Variants in ANKRD33B observed in about 807,000 individuals in gnomAD.
ANKRD33B encodes the protein ankyrin repeat domain 33B.
In ANKRD33B, 6 loss-of-function variants were observed where a neutral mutation model predicts 21.5. The observed-to-expected ratio is 0.28, with a 90% CI of 0.15 to 0.55. The LOEUF (loss-of-function observed/expected upper bound fraction) is 0.55. Ranked by LOEUF, ANKRD33B falls within the 20% of genes least tolerant of loss-of-function variation. ANKRD33B has a pLI of 0.94. For synonymous variants in ANKRD33B, 347 were observed against 342.4 expected (o/e 1.01, Z -0.15); for missense variants, 698 against 747.2 (o/e 0.93, Z 0.77).
intron 1 of ANKRD33B, among the ~76,000 whole-genome samples, chr5:10,577,537 G>A (rs547178329): frequency 1.3e-5 from 2 of 152,214 alleles, no homozygotes; most frequent in South Asian, 2.1e-4. Context: ...GGCAGCTGTG[G>A]TGGATTCCTG....
chr5:10,619,058 C>CT lies in ANKRD33B; in HGVS notation c.496+597dup, dbSNP rs1180233827. 5.3e-5 allele frequency among the ~76,000 whole-genome samples: 8 copies of CT among 152,212 alleles called. No individual in the cohort carries two copies. The highest frequency in any genetic ancestry group is 5.2e-4 in the Admixed American group (8 of 15,286). ...CAATATTGCCAAGTGCATTGCGACT[C>CT]TCCTGCTTTGGAACTGTATCCAGAC... On this transcript the variant is annotated intron_variant, in intron 2 of 3. Coordinates refer to ENST00000296657, the MANE Select transcript of ANKRD33B (RefSeq NM_001164440.2). The surrounding 1 kb of genome is among the most constrained non-coding windows in gnomAD (Gnocchi z 4.5).
At chr5:10,623,508 C>T (rs1378740256) in intron 2 of ANKRD33B, among the ~76,000 whole-genome samples, 1 of 152,210 alleles carries the variant, frequency 6.6e-6, no homozygotes, top group African/African-American at 2.4e-5. Flanking sequence ...AATCCCACCA[C>T]GAGGACCCCT....
intron 3 of ANKRD33B, among the ~76,000 whole-genome samples, chr5:10,644,536 A>G (rs148485725): frequency 6.6e-6 from 1 of 152,190 alleles, no homozygotes; most frequent in Non-Finnish European, 1.5e-5. Context: ...ATAACCTCAA[A>G]TCTTCCTGTG....
chr5:10,596,897 AT>A (rs1248072471), intron 1 of ANKRD33B, among the ~76,000 whole-genome samples: 1 of 151,758 alleles, frequency 6.6e-6, no homozygotes, highest in Non-Finnish European at 1.5e-5. Context: ...AATATTCAAC[AT>A]TCTTAAAGAA....
intron 1 of ANKRD33B, among the ~76,000 whole-genome samples, chr5:10,598,068 C>G (rs1735853344): frequency 6.6e-6 from 1 of 152,104 alleles, no homozygotes; most frequent in Non-Finnish European, 1.5e-5. Flanking sequence ...TGCCTCCTCC[C>G]ACATCCAGAT....
chr5:10,650,092 G>A lies in ANKRD33B; in HGVS notation c.1464G>A (p.Ala488=), dbSNP rs1737306613. The A allele has an allele frequency of 6.6e-7, 1 of 1,526,116 alleles. No homozygotes were observed. Among genetic ancestry groups the A allele is most frequent in the East Asian group, 2.5e-5 (1 of 40,286 alleles). 94.5% of individuals were successfully genotyped at this position (1,526,116 alleles called of 1,614,324 possible). A position where few individuals can be genotyped will look rare whatever the true frequency, so the allele number is the denominator to read the frequency against. The change falls in exon 4 of 4, where the codon GCG becomes GCA. Residue 488 remains alanine (A), a synonymous_variant. Transcript: ENST00000296657. ...AGGCGCAGAAGGAGAGGCGCACTGC[G>A]CCCTGGAAGAAGAGGACGTGAGGGC... The part of the protein sequence containing the change: ...QAEAQKERRT[A]PWKKRT
At chr5:10,577,019 G>A (rs1490139109) in intron 1 of ANKRD33B, among the ~76,000 whole-genome samples, 1 of 152,130 alleles carries the variant, frequency 6.6e-6, no homozygotes, top group African/African-American at 2.4e-5. Context: ...TTCAAGAAGG[G>A]GGAGGAAGCT....
chr5:10,601,645 G>C (rs981635961), intron 1 of ANKRD33B, among the ~76,000 whole-genome samples: 1 of 152,254 alleles, frequency 6.6e-6, no homozygotes, highest in Non-Finnish European at 1.5e-5. Flanking sequence ...GGACCAGTAA[G>C]CCTGCTGATG....
At position 10,654,974 on chromosome 5, in the gene ANKRD33B, C is replaced by CAGTG. The variant is rs1318943124; in HGVS notation, c.*4863_*4864insTGAG. ...ACATCGTGGACATCTTCCTTCCTCT[C>CAGTG]AGGCTCCTCCTGACAGACTCCTGGC... On this transcript the variant is annotated 3_prime_UTR_variant, in exon 4 of 4. Coordinates refer to ENST00000296657, the MANE Select transcript of ANKRD33B (RefSeq NM_001164440.2). 1 of 152,442 alleles carries CAGTG rather than the reference C, an allele frequency of 6.6e-6. No homozygotes were observed. Among genetic ancestry groups the CAGTG allele is most frequent in the Admixed American group, 6.5e-5 (1 of 15,284 alleles). 9.4% of individuals were successfully genotyped at this position (152,442 alleles called of 1,614,324 possible).
chr5:10,654,608 G>A lies in ANKRD33B; in HGVS notation c.*4495G>A, dbSNP rs1417389734. 6.6e-6 allele frequency: 1 copy of A among 152,436 alleles called. No individual in the cohort carries two copies. Among genetic ancestry groups the A allele is most frequent in the Non-Finnish European group, 1.5e-5 (1 of 68,126 alleles). 9.4% of individuals were successfully genotyped at this position (152,436 alleles called of 1,614,324 possible). ...GATGGGGGACTCTGGTGGCAGAAATGGCTTTGGGGTAGGTGTGAAGTTGCT... is the reference window on the plus strand; with the variant it reads ...GATGGGGGACTCTGGTGGCAGAAATAGCTTTGGGGTAGGTGTGAAGTTGCT... On this transcript the variant is annotated 3_prime_UTR_variant, in exon 4 of 4. Coordinates refer to ENST00000296657, the MANE Select transcript of ANKRD33B (RefSeq NM_001164440.2).
rs534618727 is a variant in ANKRD33B at position 10,645,251 on chromosome 5, C to T, written c.638-4015C>T. ...CTGGTCCACAGTGGTCTCCTGTGGC[C>T]AGGAAAGGCCCCCTGGCAAGAGGGA... On this transcript the variant is annotated intron_variant, in intron 3 of 3. Transcript: ENST00000296657. 7.9e-5 allele frequency among the ~76,000 whole-genome samples: 12 copies of T among 152,070 alleles called. No homozygotes were observed. The South Asian group carries it at 2.1e-3, about 26-fold the overall frequency.
chr5:10,649,808 C>A lies in ANKRD33B; in HGVS notation c.1180C>A (p.Arg394=). 7.2e-7 allele frequency: 1 copy of A among 1,388,272 alleles called. No individual in the cohort carries two copies. The allele number at this position is 1,388,272 out of a possible 1,614,324, so 86.0% of individuals were successfully genotyped here. Residue 394 remains arginine (R), a synonymous_variant, in exon 4 of 4, where the codon CGG becomes AGG. Coordinates refer to ENST00000296657, the MANE Select transcript of ANKRD33B (RefSeq NM_001164440.2). The stretch of plus-strand genomic sequence containing the variant: ...CGGCCTCCCTCCCGCCCTGGGGTCC[C>A]GGGGCCCCGCAGCGCCCGCCCCGCG... The part of the protein sequence containing the change: ...RAGLPPALGS[R]GPAAPAPRKA...
intron 1 of ANKRD33B, among the ~76,000 whole-genome samples, chr5:10,574,722 A>T (rs1299696971): frequency 6.6e-6 from 1 of 152,190 alleles, no homozygotes; most frequent in African/African-American, 2.4e-5. Flanking sequence ...AATACAGGAT[A>T]ACAGGTTATA....
At chr5:10,585,312 C>G (rs1735530425) in intron 1 of ANKRD33B, among the ~76,000 whole-genome samples, 1 of 152,212 alleles carries the variant, frequency 6.6e-6, no homozygotes. Flanking sequence ...TTGTTTAAAT[C>G]AACAAGTGTT....
At chr5:10,564,865 C>T in intron 1 of ANKRD33B, 32 bp downstream of exon 1, 4 of 1,469,214 alleles carry the variant, frequency 2.7e-6, no homozygotes, top group Non-Finnish European at 2.7e-6. Context: ...ATTTGAGCCC[C>T]CTCACTGCCC....
intron 2 of ANKRD33B, among the ~76,000 whole-genome samples, chr5:10,637,471 G>T (rs1736898028): frequency 1.0e-5 from 1 of 100,240 alleles, no homozygotes; most frequent in Non-Finnish European, 2.1e-5. Context: ...CACGGCGGCG[G>T]GGGGAGGGGT....
chr5:10,574,379 C>A (rs556380310), intron 1 of ANKRD33B, among the ~76,000 whole-genome samples: 2 of 152,116 alleles, frequency 1.3e-5, no homozygotes, highest in Non-Finnish European at 2.9e-5. Context: ...TCATAAACAC[C>A]ATGTTCTCTG....
chr5:10,579,975 C>T (rs565799285), intron 1 of ANKRD33B, among the ~76,000 whole-genome samples: 1 of 152,256 alleles, frequency 6.6e-6, no homozygotes, highest in South Asian at 2.1e-4. Flanking sequence ...TTAGCTTTTA[C>T]CCTCTATTCC....
chr5:10,574,298 A>G (rs983397626), intron 1 of ANKRD33B, among the ~76,000 whole-genome samples: 3 of 152,268 alleles, frequency 2.0e-5, no homozygotes, highest in Admixed American at 6.5e-5. Context: ...AAAATTTCAC[A>G]TGGTTATGAT....
Sources: gnomAD v4.1 joint callset for allele counts (sites outside exome capture counted in the v4.1 genomes callset) on GRCh38, gnomAD v4.1.1 for gene constraint, Gnocchi (gnomAD v3.1) non-coding constraint, MANE v1.5 for transcripts, NCBI Gene and HGNC (gene_info 2026-07-23, HGNC 2026-07-21) for gene names.